DENND5B: variants seen among roughly 807,000 people sequenced by gnomAD.
DENND5B encodes DENN domain-containing protein 5B.
Under a neutral mutation model 140.6 loss-of-function variants are expected in DENND5B, and 34 were observed. The ratio of observed to expected loss-of-function variants is 0.24; its 90% CI spans 0.18 to 0.32. The LOEUF is 0.32. DENND5B is among the 10% of genes least tolerant of loss of function. The pLI, the probability that DENND5B is intolerant of heterozygous loss-of-function variation, is 1.00. For missense variants in DENND5B, 1,142 were observed against 1,560.2 expected (o/e 0.73, Z 4.52); for synonymous variants, 551 against 562.1 (o/e 0.98, Z 0.28).
chr12:31,390,662 T>A (rs1452313610), intron 19 of DENND5B, among the ~76,000 whole-genome samples: 3 of 150,276 alleles, frequency 2.0e-5, no homozygotes, highest in Non-Finnish European at 4.4e-5. Flanking sequence ...TTAAATAGAT[T>A]TAAATTTTAA....
Position 31,392,288 on chromosome 12 carries a change from C to T in DENND5B, c.3445G>A (p.Val1149Ile). 6.2e-7 allele frequency: 1 copy of T among 1,613,848 alleles called. No individual in the cohort carries two copies. Among genetic ancestry groups the T allele is most frequent in the Admixed American group, 1.7e-5 (1 of 59,992 alleles). The change falls in exon 19 of 21, where the codon GTC becomes ATC. Residue 1149 changes from valine (V) to isoleucine (I), a missense_variant. Coordinates refer to ENST00000389082, the MANE Select transcript of DENND5B (RefSeq NM_144973.4). Reference sequence around the variant, plus strand: ...TTACCTATGAAGTCCCAGATGAAGACATTCTTGTGAAAGATGCGGGCAGAT... The same window carrying T: ...TTACCTATGAAGTCCCAGATGAAGATATTCTTGTGAAAGATGCGGGCAGAT... ...FKSARIFHKN[V>I]FIWDFIEKVV...
At chr12:31,493,499 G>GC (rs1229547570) in intron 2 of DENND5B, among the ~76,000 whole-genome samples, 1 of 152,048 alleles carries the variant, frequency 6.6e-6, no homozygotes, top group East Asian at 1.9e-4. Context: ...TACAAGACCA[G>GC]CCTGGCCAAC....
chr12:31,572,402 A>C (rs1565708176), intron 1 of DENND5B, among the ~76,000 whole-genome samples: 2 of 152,166 alleles, frequency 1.3e-5, no homozygotes, highest in Non-Finnish European at 2.9e-5. Context: ...CATTCCTCAG[A>C]AAGTCCTATT....
chr12:31,587,543 TTTTTTTTTTTTTTTTTTTTTTTG>T (rs1950438558), intron 1 of DENND5B, among the ~76,000 whole-genome samples: 4 of 107,776 alleles, frequency 3.7e-5, no homozygotes, highest in African/African-American at 1.3e-4. Context: ...TTTTTTTTTT[TTTTTTTTTTTTTTTTTTTTTTTG>T]AGACAGAGTC....
chr12:31,423,494 G>A, intron 11 of DENND5B, 103 bp downstream of exon 11: 3 of 1,205,368 alleles, frequency 2.5e-6, no homozygotes, highest in East Asian at 4.8e-5. Flanking sequence ...TTGGCAAAAT[G>A]AGTAAATTTT....
intron 11 of DENND5B, among the ~76,000 whole-genome samples, chr12:31,418,277 C>A (rs796839030): frequency 1.5e-5 from 1 of 67,820 alleles, no homozygotes. Flanking sequence ...ATCTTTTTTT[C>A]TTTTCTTTTT....
chr12:31,389,469 C>G lies in DENND5B; in HGVS notation c.3496G>C (p.Asp1166His). 1 of 1,595,146 alleles carries G rather than the reference C, an allele frequency of 6.3e-7. No individual in the cohort carries two copies. Among genetic ancestry groups the G allele is most frequent in the Non-Finnish European group, 8.5e-7 (1 of 1,170,088 alleles). Reference protein sequence around the residue: ...EKVVAYFETTDQILDNEDDVL... With the variant: ...EKVVAYFETTHQILDNEDDVL... Reference sequence around the variant, plus strand: ...TCATCTTCATTATCTAGAATCTGGTCAGTTGTTTCAAAATAAGCAACCACT... The same window carrying G: ...TCATCTTCATTATCTAGAATCTGGTGAGTTGTTTCAAAATAAGCAACCACT... The change falls in exon 20 of 21, where the codon GAC becomes CAC. Residue 1166 changes from aspartate (D) to histidine (H), a missense_variant. Transcript: ENST00000389082.
chr12:31,571,109 A>G (rs1188571101), intron 1 of DENND5B, among the ~76,000 whole-genome samples: 1 of 151,198 alleles, frequency 6.6e-6, no homozygotes, highest in Non-Finnish European at 1.5e-5. Context: ...GGAGCTGTGA[A>G]GGACAAGTGT....
At chr12:31,533,082 T>C (rs768290635) in intron 1 of DENND5B, among the ~76,000 whole-genome samples, 12 of 152,214 alleles carry the variant, frequency 7.9e-5, no homozygotes, top group Non-Finnish European at 1.6e-4. Context: ...ATCATCCTTT[T>C]GATCTGATTA....
At chr12:31,409,425 GAAAAA>G in intron 13 of DENND5B, 41 bp from the exon 14 acceptor site, 1 of 1,033,136 alleles carries the variant, frequency 9.7e-7, no homozygotes, top group Non-Finnish European at 1.2e-6. Flanking sequence ...TAGTATCAAA[GAAAAA>G]AAAAAAAAAC....
chr12:31,433,326 G>A, intron 7 of DENND5B, 78 bp from the exon 8 acceptor site: 1 of 1,206,180 alleles, frequency 8.3e-7, no homozygotes, highest in East Asian at 2.5e-5. Context: ...ACAAAAGACT[G>A]ACACACACAT....
chr12:31,463,516 TAAG>T (rs1945117180), intron 3 of DENND5B, among the ~76,000 whole-genome samples: 1 of 152,226 alleles, frequency 6.6e-6, no homozygotes, highest in Non-Finnish European at 1.5e-5. Flanking sequence ...GATGATGGGA[TAAG>T]AATATATATA....
At chr12:31,431,983 T>G (rs1312534409) in intron 8 of DENND5B, 1 of 879,770 alleles carries the variant, frequency 1.1e-6, no homozygotes, top group Non-Finnish European at 1.4e-6. Context: ...AACATTCAAG[T>G]AACACCAAAG....
chr12:31,579,227 A>G (rs1377120358), intron 1 of DENND5B, among the ~76,000 whole-genome samples: 2 of 152,244 alleles, frequency 1.3e-5, no homozygotes, highest in African/African-American at 4.8e-5. Context: ...GGTGCAGAAC[A>G]TCTGAGAAAG....
chr12:31,547,010 TTC>T (rs938852230), intron 1 of DENND5B, among the ~76,000 whole-genome samples: 4 of 152,230 alleles, frequency 2.6e-5, no homozygotes, highest in Non-Finnish European at 5.9e-5. Context: ...TTCTGAGTTT[TTC>T]TCTCTTTCCA....
At chr12:31,416,285 CTTGCTCTG>C (rs1159779104) in intron 11 of DENND5B, among the ~76,000 whole-genome samples, 1 of 151,476 alleles carries the variant, frequency 6.6e-6, no homozygotes, top group African/African-American at 2.4e-5. Context: ...TAAATATAGT[CTTGCTCTG>C]TTGCTCTGTT....
At chr12:31,406,552 G>A (rs944863224) in intron 14 of DENND5B, among the ~76,000 whole-genome samples, 1 of 152,072 alleles carries the variant, frequency 6.6e-6, no homozygotes, top group Non-Finnish European at 1.5e-5. Flanking sequence ...TTTATTTTAG[G>A]TGCCAGAGGC....
chr12:31,435,927 G>A (rs1369418248), intron 7 of DENND5B, among the ~76,000 whole-genome samples: 1 of 151,994 alleles, frequency 6.6e-6, no homozygotes, highest in Non-Finnish European at 1.5e-5. Context: ...CTCCCAAGTA[G>A]GTGGGATTAC....
chr12:31,448,591 CTTT>C (rs1182209016), intron 5 of DENND5B, among the ~76,000 whole-genome samples: 24 of 152,298 alleles, frequency 1.6e-4, no homozygotes, highest in Admixed American at 2.6e-4. Flanking sequence ...TTTTGTTCTT[CTTT>C]AAGTGAATGC....
Sources: gnomAD v4.1 joint callset for allele counts (sites outside exome capture counted in the v4.1 genomes callset) on GRCh38, gnomAD v4.1.1 for gene constraint, MANE v1.5 for transcripts, NCBI Gene and HGNC (gene_info 2026-07-23, HGNC 2026-07-21) for gene names.